Variants in ULK4 observed in about 807,000 individuals in gnomAD.
ULK4 encodes unc-51 like kinase 4.
In ULK4, 133 loss-of-function variants were observed where a neutral mutation model predicts 160.6. That is an observed-to-expected ratio of 0.83 (90% CI 0.72 to 0.96). ULK4 has a LOEUF of 0.96. Among genes scored for constraint, ULK4 ranks in the 40% least tolerant of loss-of-function variants. The pLI is 0.00. For missense variants in ULK4, 1,580 were observed against 1,499.5 expected, an observed-to-expected ratio of 1.05 and a Z score of -0.89; for synonymous variants, 534 against 539.8, an observed-to-expected ratio of 0.99 and a Z score of 0.15.
intron 31 of ULK4, among the ~76,000 whole-genome samples, chr3:41,615,207 G>A (rs1355378679): frequency 6.6e-6 from 1 of 152,170 alleles, no homozygotes; most frequent in Non-Finnish European, 1.5e-5. Flanking sequence ...AATGGTGTAT[G>A]GAAGCTAAGC....
At chr3:41,543,525 T>A (rs1041326696) in intron 32 of ULK4, among the ~76,000 whole-genome samples, 5 of 152,174 alleles carry the variant, frequency 3.3e-5, no homozygotes, top group Non-Finnish European at 1.5e-5. Context: ...TGGGTTATCT[T>A]CTTGTATTTA....
Position 41,738,813 on chromosome 3 carries a change from C to T in ULK4, c.2321+15548G>A, listed in dbSNP as rs183752522. On this transcript the variant is annotated intron_variant, in intron 22 of 36. Coordinates refer to ENST00000301831, the MANE Select transcript of ULK4 (RefSeq NM_017886.4). Reference sequence around the variant, plus strand: ...CCTTTGAATGTGTGCCTCTCATTATCTGAAGAATTCACAAACTTATTAGTT... The same window carrying T: ...CCTTTGAATGTGTGCCTCTCATTATTTGAAGAATTCACAAACTTATTAGTT... 6.7e-4 allele frequency among the ~76,000 whole-genome samples: 102 copies of T among 151,988 alleles called. 6 individuals are homozygous for T. The highest frequency in any genetic ancestry group is 2.3e-3 in the African/African-American group (95 of 41,332).
intron 32 of ULK4, among the ~76,000 whole-genome samples, chr3:41,564,422 C>T (rs1016251486): frequency 2.4e-4 from 35 of 148,358 alleles, no homozygotes; most frequent in African/African-American, 8.4e-4. Flanking sequence ...TCACAGCTGT[C>T]AGACAGGGAC....
chr3:41,841,219 GAGC>G (rs2041915605), intron 17 of ULK4, among the ~76,000 whole-genome samples: 1 of 142,586 alleles, frequency 7.0e-6, no homozygotes, highest in Non-Finnish European at 1.5e-5. Flanking sequence ...GGGAGGTGGG[GAGC>G]ACCTCTGCCC....
rs139844503 is a variant in ULK4 at position 41,284,355 on chromosome 3, C to T, written c.3679-34781G>A. On this transcript the variant is annotated intron_variant, in intron 35 of 36. Transcript: ENST00000301831. ...CCTGATTTCACACTTTCCTATAAGGCCATAGTCACCAAAACAGCATGGTAC... is the reference window on the plus strand; with the variant it reads ...CCTGATTTCACACTTTCCTATAAGGTCATAGTCACCAAAACAGCATGGTAC... Among the ~76,000 whole-genome samples the T allele has an allele frequency of 4.2e-3, 634 of 152,200 alleles. 3 individuals are homozygous for T. The highest frequency in any genetic ancestry group is 0.015 in the African/African-American group (605 of 41,526).
chr3:41,644,354 T>C (rs1183662575), intron 30 of ULK4, among the ~76,000 whole-genome samples: 3 of 151,998 alleles, frequency 2.0e-5, no homozygotes, highest in Non-Finnish European at 4.4e-5. Context: ...CTTATTATTT[T>C]GAGATATGTC....
chr3:41,369,515 G>C (rs2081319344), intron 35 of ULK4, among the ~76,000 whole-genome samples: 1 of 150,442 alleles, frequency 6.6e-6, no homozygotes, highest in Admixed American at 6.6e-5. Flanking sequence ...AAAAATGGCA[G>C]AGCACGGTGG....
chr3:41,705,432 C>T (rs2036842919), intron 25 of ULK4, 127 bp from the exon 26 acceptor site: 1 of 532,170 alleles, frequency 1.9e-6, no homozygotes, highest in Non-Finnish European at 3.2e-6. Context: ...ATTAAATACT[C>T]TATACATATT....
chr3:41,798,012 G>A (rs1386726162), intron 20 of ULK4, among the ~76,000 whole-genome samples: 3 of 152,038 alleles, frequency 2.0e-5, no homozygotes, highest in African/African-American at 7.2e-5. Flanking sequence ...AAAAGAAAAA[G>A]GAGACACTGT....
chr3:41,836,886 G>A (rs529585199), intron 17 of ULK4, among the ~76,000 whole-genome samples: 8 of 152,050 alleles, frequency 5.3e-5, no homozygotes, highest in African/African-American at 9.7e-5. Context: ...ATCATAGTGC[G>A]ACCATGATTA....
intron 30 of ULK4, among the ~76,000 whole-genome samples, chr3:41,657,455 T>C (rs1240619292): frequency 6.6e-6 from 1 of 152,216 alleles, no homozygotes; most frequent in Non-Finnish European, 1.5e-5. Context: ...AAATGGTTCA[T>C]GGTTATTTTT....
chr3:41,605,319 G>C (rs1171505797), intron 31 of ULK4, among the ~76,000 whole-genome samples: 1 of 151,562 alleles, frequency 6.6e-6, no homozygotes, highest in Non-Finnish European at 1.5e-5. Context: ...AATATTATTA[G>C]ATTGAAAAAA....
Position 41,590,647 on chromosome 3 carries a change from C to CAA in ULK4, c.3121-24519_3121-24518dup, listed in dbSNP as rs535363463. Reference sequence around the variant, plus strand: ...AGGGACTCTGTCTCAAACAAACAAACAAACAAAAAAACAAATACATCTTAA... The same window carrying CAA: ...AGGGACTCTGTCTCAAACAAACAAACAAAAACAAAAAAACAAATACATCTTAA... On this transcript the variant is annotated intron_variant, in intron 31 of 36. Transcript: ENST00000301831. Among the ~76,000 whole-genome samples, 453 of 150,772 alleles carry CAA rather than the reference C, an allele frequency of 3.0e-3. 3 individuals are homozygous for CAA. Among genetic ancestry groups the CAA allele is most frequent in the African/African-American group, 0.01 (431 of 41,102 alleles).
intron 17 of ULK4, among the ~76,000 whole-genome samples, chr3:41,851,937 C>CA (rs1182737826): frequency 2.6e-5 from 4 of 152,064 alleles, no homozygotes; most frequent in East Asian, 1.9e-4. Flanking sequence ...AAAAACCCTT[C>CA]AAAAAAATCA....
At chr3:41,410,182 T>C (rs1221410863) in intron 34 of ULK4, among the ~76,000 whole-genome samples, 1 of 152,084 alleles carries the variant, frequency 6.6e-6, no homozygotes, top group Non-Finnish European at 1.5e-5. Flanking sequence ...CCCAGGTATA[T>C]ACTGAAAAAA....
intron 22 of ULK4, among the ~76,000 whole-genome samples, chr3:41,721,993 C>G (rs961882905): frequency 2.0e-5 from 3 of 152,190 alleles, no homozygotes; most frequent in Non-Finnish European, 4.4e-5. Flanking sequence ...TCAACCAAAT[C>G]TGGAAGCAAT....
chr3:41,952,273 A>T (rs1189993680), intron 2 of ULK4, among the ~76,000 whole-genome samples: 1 of 152,250 alleles, frequency 6.6e-6, no homozygotes, highest in East Asian at 1.9e-4. Context: ...CAACCTATAG[A>T]ATATGAAAAT....
intron 35 of ULK4, among the ~76,000 whole-genome samples, chr3:41,361,731 T>C (rs887743835): frequency 6.6e-6 from 1 of 152,208 alleles, no homozygotes; most frequent in Non-Finnish European, 1.5e-5. Context: ...GTATGAAATA[T>C]TCATAATAAT....
chr3:41,863,532 C>G (rs2042552831), intron 17 of ULK4, among the ~76,000 whole-genome samples: 1 of 150,964 alleles, frequency 6.6e-6, no homozygotes, highest in Admixed American at 6.6e-5. Context: ...CCCCATACAC[C>G]ACAACTAGTT....
Sources: gnomAD v4.1 joint callset for allele counts (sites outside exome capture counted in the v4.1 genomes callset) on GRCh38, gnomAD v4.1.1 for gene constraint, MANE v1.5 for transcripts, NCBI Gene and HGNC (gene_info 2026-07-23, HGNC 2026-07-21) for gene names.